Variants in SLC25A13 observed in about 807,000 individuals in gnomAD.
The protein encoded by SLC25A13 is electrogenic aspartate/glutamate antiporter SLC25A13, mitochondrial.
A neutral mutation model predicts 85.5 loss-of-function variants in SLC25A13; 70 were observed. The observed-to-expected ratio is 0.82, with a 90% CI of 0.68 to 1.00. The LOEUF is 1.00. Among genes scored for constraint, SLC25A13 ranks in the 50% least tolerant of loss-of-function variants. The pLI, the probability that SLC25A13 is intolerant of heterozygous loss-of-function variation, is 0.00. For missense variants in SLC25A13, 765 were observed against 819.8 expected (o/e 0.93, Z 0.82); for synonymous variants, 259 against 288.7 (o/e 0.90, Z 1.04).
chr7:96,275,885 A>T (rs983943458), intron 3 of SLC25A13, among the ~76,000 whole-genome samples: 2 of 152,140 alleles, frequency 1.3e-5, no homozygotes, highest in African/African-American at 4.8e-5. Context: ...TTAAAGTATA[A>T]TAAAAAAATT....
At chr7:96,308,898 G>A (rs1327831353) in intron 1 of SLC25A13, among the ~76,000 whole-genome samples, 1 of 152,184 alleles carries the variant, frequency 6.6e-6, no homozygotes, top group Non-Finnish European at 1.5e-5. Context: ...CAAAGGTCAA[G>A]ACCAGGCTCT....
chr7:96,261,328 T>C (rs950177154), intron 3 of SLC25A13, among the ~76,000 whole-genome samples: 3 of 152,184 alleles, frequency 2.0e-5, no homozygotes, highest in Admixed American at 6.5e-5. Flanking sequence ...TGGCACATAG[T>C]TGGTGTCAAT....
chr7:96,233,344 TG>T (rs927025522), intron 4 of SLC25A13, among the ~76,000 whole-genome samples: 4 of 152,220 alleles, frequency 2.6e-5, no homozygotes, highest in Admixed American at 6.5e-5. Flanking sequence ...AAGATTTAAA[TG>T]GGGACTTTCT....
At chr7:96,321,418 C>G (rs1221823565) in intron 1 of SLC25A13, among the ~76,000 whole-genome samples, 1 of 152,198 alleles carries the variant, frequency 6.6e-6, no homozygotes, top group Non-Finnish European at 1.5e-5. Flanking sequence ...AGGCGCAGAC[C>G]AAGTCTCCTA....
chr7:96,229,794 C>G (rs1348699339), intron 4 of SLC25A13, among the ~76,000 whole-genome samples: 2 of 152,122 alleles, frequency 1.3e-5, no homozygotes, highest in African/African-American at 4.8e-5. Flanking sequence ...GGAAGAAACT[C>G]CGAACACATC....
chr7:96,130,010 TTTG>T (rs529018946), intron 15 of SLC25A13, among the ~76,000 whole-genome samples: 68 of 152,360 alleles, frequency 4.5e-4, no homozygotes, highest in African/African-American at 1.6e-3. Flanking sequence ...GAATAATATT[TTTG>T]TTATTTGCCT....
chr7:96,293,065 C>G (rs1019426942), intron 2 of SLC25A13, among the ~76,000 whole-genome samples: 1 of 152,186 alleles, frequency 6.6e-6, no homozygotes, highest in Non-Finnish European at 1.5e-5. Flanking sequence ...CAGCACGGTA[C>G]TGGTACCAAA....
At chr7:96,274,018 C>T (rs1798347417) in intron 3 of SLC25A13, among the ~76,000 whole-genome samples, 1 of 152,090 alleles carries the variant, frequency 6.6e-6, no homozygotes, top group African/African-American at 2.4e-5. Context: ...CAAAGAATCC[C>T]CCTTGGGGTT....
At chr7:96,131,915 AAC>A (rs1792049973) in intron 14 of SLC25A13, 34 bp from the exon 15 acceptor site, 13 of 1,613,642 alleles carry the variant, frequency 8.1e-6, no homozygotes, top group Non-Finnish European at 1.1e-5. Context: ...AACCACATGA[AAC>A]ACATATCCCA....
intron 2 of SLC25A13, among the ~76,000 whole-genome samples, chr7:96,280,315 ACT>A (rs1798623278): frequency 6.6e-6 from 1 of 152,236 alleles, no homozygotes; most frequent in Non-Finnish European, 1.5e-5. Context: ...ATTATTTTAC[ACT>A]TGGAAATTTT....
intron 15 of SLC25A13, among the ~76,000 whole-genome samples, chr7:96,131,252 AT>A (rs1310888612): frequency 1.3e-5 from 2 of 152,174 alleles, no homozygotes; most frequent in African/African-American, 4.8e-5. Flanking sequence ...AATTACCACC[AT>A]CCCCCCGTAA....
At chr7:96,298,680 G>A (rs761242558) in intron 1 of SLC25A13, among the ~76,000 whole-genome samples, 15 of 152,108 alleles carry the variant, frequency 9.9e-5, no homozygotes, top group African/African-American at 1.9e-4. Flanking sequence ...TGATCTGCCC[G>A]CCTCAGACTC....
rs148600871 is a variant in SLC25A13 at position 96,140,547 on chromosome 7, G to T, written c.1452+6009C>A. Among the ~76,000 whole-genome samples, 56 of 151,712 alleles carry T rather than the reference G, an allele frequency of 3.7e-4. No individual in the cohort carries two copies. In the East Asian group the frequency reaches 0.011, roughly 29 times the overall value. On this transcript the variant is annotated intron_variant, in intron 14 of 17. Transcript: ENST00000265631. ...AGTCTCCCAAGTAGCTGGAACTATA[G>T]GCACGTCCACCATACCCGGCTAATT...
chr7:96,235,539 T>G (rs558536159), intron 3 of SLC25A13, among the ~76,000 whole-genome samples: 1 of 152,318 alleles, frequency 6.6e-6, no homozygotes, highest in East Asian at 1.9e-4. Flanking sequence ...AAAGTCTTTG[T>G]GGCAGAAATG....
chr7:96,248,998 G>T (rs1584510554), intron 3 of SLC25A13, among the ~76,000 whole-genome samples: 2 of 152,074 alleles, frequency 1.3e-5, no homozygotes, highest in South Asian at 4.1e-4. Context: ...TTACAAATAA[G>T]AATTAAAATA....
At chr7:96,233,476 A>T (rs572872247) in intron 4 of SLC25A13, among the ~76,000 whole-genome samples, 19 of 152,314 alleles carry the variant, frequency 1.2e-4, no homozygotes, top group Non-Finnish European at 2.6e-4. Context: ...GTATTAATGG[A>T]AAGCATCTGA....
chr7:96,195,028 C>A (rs960623974), intron 5 of SLC25A13, among the ~76,000 whole-genome samples: 6 of 152,140 alleles, frequency 3.9e-5, no homozygotes, highest in African/African-American at 1.4e-4. Flanking sequence ...CTCTACTCTC[C>A]TAGACAGAGT....
In SLC25A13 at chr7:96,146,537, A is replaced by T. The variant is rs768713125; in HGVS notation, c.1452+19T>A. On this transcript the variant is annotated intron_variant, in intron 14 of 17. Transcript: ENST00000265631. ...TGAGAAAGTAATCAAATAAATGACTAAAAAAAAAAAAAAGTTACCTTGTAG... is the reference window on the plus strand; with the variant it reads ...TGAGAAAGTAATCAAATAAATGACTTAAAAAAAAAAAAAGTTACCTTGTAG... 6.6e-6 allele frequency: 2 copies of T among 302,896 alleles called. No individual in the cohort carries two copies. Among genetic ancestry groups the T allele is most frequent in the Non-Finnish European group, 1.1e-5 (2 of 186,922 alleles). The allele number at this position is 302,896 out of a possible 1,614,324, so 18.8% of individuals were successfully genotyped here.
intron 4 of SLC25A13, among the ~76,000 whole-genome samples, chr7:96,228,481 CAAAGATCTA>C (rs1796399969): frequency 6.6e-6 from 1 of 152,192 alleles, no homozygotes; most frequent in Non-Finnish European, 1.5e-5. Flanking sequence ...TACCAACTGG[CAAAGATCTA>C]AAATAAAACC....
Sources: allele counts gnomAD v4.1 joint callset (sites outside exome capture counted in the v4.1 genomes callset), GRCh38; gene constraint gnomAD v4.1.1; transcripts MANE v1.5; gene names NCBI Gene and HGNC (gene_info 2026-07-23, HGNC 2026-07-21).